The following SAMD9 variants were observed in gnomAD, a reference collection of about 807,000 sequenced individuals.
SAMD9 encodes sterile alpha motif domain containing 9.
A neutral mutation model predicts 1.5 loss-of-function variants in SAMD9; 3 were observed. The ratio of observed to expected loss-of-function variants is 2.05; its 90% CI spans 0.93 to 5.29. The LOEUF is 5.29. SAMD9 is among the 30% of genes most tolerant of loss of function. SAMD9 has a pLI of 0.02. For missense variants in SAMD9, 1,597 were observed against 1,820.8 expected, an observed-to-expected ratio of 0.88 and a Z score of 2.24; for synonymous variants, 635 against 631.9, an observed-to-expected ratio of 1.00 and a Z score of -0.07.
intron 2 of SAMD9, among the ~76,000 whole-genome samples, chr7:93,106,902 C>T (rs1020407051): frequency 1.3e-5 from 2 of 152,202 alleles, no homozygotes; most frequent in Non-Finnish European, 2.9e-5. Context: ...ATTGTACAAT[C>T]AGTGGAGAAT....
chr7:93,109,835 T>A (rs1165969060), intron 2 of SAMD9, among the ~76,000 whole-genome samples: 2 of 152,204 alleles, frequency 1.3e-5, no homozygotes, highest in Non-Finnish European at 2.9e-5. Flanking sequence ...GTTTGATTTG[T>A]GTACCTGAAA....
rs756139038 is a variant in SAMD9, at chr7:93,105,890, G to GTT, written c.206_207dup (p.Leu70AsnfsTer60). 6.2e-7 allele frequency: 1 copy of GTT among 1,614,078 alleles called. No homozygotes were observed. The highest frequency in any genetic ancestry group is 8.5e-7 in the Non-Finnish European group (1 of 1,179,998). On this transcript the variant is annotated frameshift_variant, in exon 3 of 3. Coordinates refer to ENST00000379958, the MANE Select transcript of SAMD9 (RefSeq NM_017654.4). LOFTEE classifies it low-confidence loss of function (END_TRUNC). ...GCTGTTTTCCGCAATTCTTTGAATAGTTCTTCTATTTGAATAGCTGGTCCA... is the reference window on the plus strand; with the variant it reads ...GCTGTTTTCCGCAATTCTTTGAATAGTTTTCTTCTATTTGAATAGCTGGTCCA...
At chr7:93,115,606 A>G (rs993003132) in intron 1 of SAMD9, among the ~76,000 whole-genome samples, 1 of 152,216 alleles carries the variant, frequency 6.6e-6, no homozygotes, top group Non-Finnish European at 1.5e-5. Flanking sequence ...AGATAAGTAC[A>G]TATTAAAATT....
intron 2 of SAMD9, among the ~76,000 whole-genome samples, chr7:93,108,662 C>G (rs1278439059): frequency 6.6e-6 from 1 of 152,220 alleles, no homozygotes; most frequent in African/African-American, 2.4e-5. Context: ...TATTCTGCGC[C>G]TGGCTCAGAG....
At chr7:93,113,241 G>T (rs1791775799) in intron 2 of SAMD9, among the ~76,000 whole-genome samples, 1 of 152,186 alleles carries the variant, frequency 6.6e-6, no homozygotes, top group Non-Finnish European at 1.5e-5. Context: ...TGGGAAAACT[G>T]GCTAGCCATA....
Position 93,103,447 on chromosome 7 carries a change from G to T in SAMD9, c.2651C>A (p.Ser884Tyr). 1 of 1,612,938 alleles carries T rather than the reference G, an allele frequency of 6.2e-7. No individual in the cohort carries two copies. The highest frequency in any genetic ancestry group is 8.5e-7 in the Non-Finnish European group (1 of 1,179,164). ...EQHKNFEDFY[S>Y]FMIMKTNFNK... is the part of the protein sequence containing the mutation. ...AAAATTGGTTTTCATGATCATAAAG[G>T]AATAAAAATCCTCAAAGTTTTTATG... Residue 884 changes from serine to tyrosine, a missense_variant, in exon 3 of 3, where the codon TCC (serine) becomes TAC (tyrosine). Around this residue, in one of 6 missense-constraint regions of SAMD9, gnomAD observed 682 missense variants for 810.0 expected, o/e 0.84. Coordinates refer to ENST00000379958, the MANE Select transcript of SAMD9 (RefSeq NM_017654.4).
rs1434170977 is a variant in SAMD9, at chr7:93,102,781, G to T, written c.3317C>A (p.Ala1106Glu). ...KKDFGNALNW[A>E]KQAKIIEPDN... ...AGGTTCTATGATTTTTGCTTGTTTT[G>T]CCCAGTTTAGAGCATTGCCAAAGTC... The change falls in exon 3 of 3, where the codon GCA becomes GAA. Residue 1106 changes from alanine (A) to glutamate (E), a missense_variant. Ala to Glu is a moderately radical substitution (Grantham distance 107, BLOSUM62 -1). Coordinates refer to ENST00000379958, the MANE Select transcript of SAMD9 (RefSeq NM_017654.4). 1 of 1,613,638 alleles carries T rather than the reference G, an allele frequency of 6.2e-7. No individual in the cohort carries two copies. The highest frequency in any genetic ancestry group is 2.2e-5 in the East Asian group (1 of 44,872).
Position 93,102,667 on chromosome 7 carries a change from A to T in SAMD9, c.3431T>A (p.Ile1144Asn). The change falls in exon 3 of 3, where the codon ATT becomes AAT. Residue 1144 changes from isoleucine to asparagine, a missense_variant. Ile to Asn is a moderately radical substitution (Grantham distance 149). Transcript: ENST00000379958. ...AAGAGCAATTAGATCATCAACTGAAATGTTCCCGTTTCCTCCGTTTTCCTC... is the reference window on the plus strand; with the variant it reads ...AAGAGCAATTAGATCATCAACTGAATTGTTCCCGTTTCCTCCGTTTTCCTC... ...WIEENGGNGN[I>N]SVDDLIALLD... 1 of 1,613,924 alleles carries T rather than the reference A, an allele frequency of 6.2e-7. No homozygotes were observed. The highest frequency in any genetic ancestry group is 1.3e-5 in the African/African-American group (1 of 75,042).
rs775712957 is a variant in SAMD9 at position 93,106,024 on chromosome 7, C to T, written c.74G>A (p.Ser25Asn). 6.3e-7 allele frequency: 1 copy of T among 1,590,830 alleles called. No individual in the cohort carries two copies. Residue 25 changes from serine (S) to asparagine (N), a missense_variant, in exon 3 of 3, where the codon AGT becomes AAT. Coordinates refer to ENST00000379958, the MANE Select transcript of SAMD9 (RefSeq NM_017654.4). ...CCTGTGTTTTTGGTCAATCTTATGA[C>T]TTTCTAACCACTGATTTACATCCTC... The part of the protein sequence containing the change: ...TKEDVNQWLE[S>N]HKIDQKHREI...
rs138505662 is a variant in SAMD9, at chr7:93,116,774, T to G, written c.-110+1089A>C. On this transcript the variant is annotated intron_variant, in intron 1 of 2. Transcript: ENST00000379958. ...GAAATGAGGGAGTAAAATTAGTACCTAAAATTACTGGTTTTGATTCCGTAT... is the reference window on the plus strand; with the variant it reads ...GAAATGAGGGAGTAAAATTAGTACCGAAAATTACTGGTTTTGATTCCGTAT... Among the ~76,000 whole-genome samples, 650 of 152,346 alleles carry G rather than the reference T, an allele frequency of 4.3e-3. 3 individuals are homozygous for G. The highest frequency in any genetic ancestry group is 0.015 in the African/African-American group (628 of 41,576).
In SAMD9 at chr7:93,102,088, A is replaced by G. The variant is rs779219130; in HGVS notation, c.4010T>C (p.Val1337Ala). Reference protein sequence around the residue: ...LQVERCRRNLVALKADKFSGL... With the variant: ...LQVERCRRNLAALKADKFSGL... ...AGAAAACTTGTCTGCTTTTAAAGCT[A>G]CTAGGTTTCTCCTGCATCTCTCTAC... The change falls in exon 3 of 3, where the codon GTA becomes GCA. Residue 1337 changes from valine to alanine, a missense_variant. Val to Ala is a moderately conservative substitution (Grantham distance 64). Coordinates refer to ENST00000379958, the MANE Select transcript of SAMD9 (RefSeq NM_017654.4). 5.6e-6 allele frequency: 9 copies of G among 1,613,308 alleles called. No homozygotes were observed. The South Asian group carries it at 7.7e-5, about 14-fold the overall frequency.
Position 93,102,243 on chromosome 7 carries a change from C to T in SAMD9, c.3855G>A (p.Lys1285=). 6.2e-7 allele frequency: 1 copy of T among 1,613,572 alleles called. No homozygotes were observed. Among genetic ancestry groups the T allele is most frequent in the Non-Finnish European group, 8.5e-7 (1 of 1,179,678 alleles). The change falls in exon 3 of 3, where the codon AAG becomes AAA. Residue 1285 remains lysine (K), a synonymous_variant. Transcript: ENST00000379958. Reference sequence around the variant, plus strand: ...TCCGAGTTTTGGCCTCTTCATTTTGCTTAATATTGTTCCTGGGTTTTAGCA... The same window carrying T: ...TCCGAGTTTTGGCCTCTTCATTTTGTTTAATATTGTTCCTGGGTTTTAGCA... ...FVLLKPRNNI[K]QNEEAKTRRK... is the part of the protein sequence containing the mutation.
chr7:93,109,071 C>T (rs527349591), intron 2 of SAMD9, among the ~76,000 whole-genome samples: 6 of 152,288 alleles, frequency 3.9e-5, no homozygotes, highest in African/African-American at 1.2e-4. Flanking sequence ...ACCGACACCT[C>T]ATACAGCCAG....
In SAMD9 at chr7:93,103,865, T is replaced by C. The variant is rs1562775062; in HGVS notation, c.2233A>G (p.Thr745Ala). The C allele has an allele frequency of 4.3e-6, 7 of 1,614,020 alleles. No individual in the cohort carries two copies. The highest frequency in any genetic ancestry group is 5.9e-6 in the Non-Finnish European group (7 of 1,179,886). The change falls in exon 3 of 3, where the codon ACC (threonine) becomes GCC (alanine). Residue 745 changes from threonine (T) to alanine (A), a missense_variant. Transcript: ENST00000379958. ...TCCCAGAGAATGTGCATAGCCAAGG[T>C]AGTTCCCCCACAGCCTGGATGATGA... The part of the protein sequence containing the change: ...LYHHPGCGGT[T>A]LAMHILWELR...
intron 2 of SAMD9, among the ~76,000 whole-genome samples, chr7:93,112,760 C>T (rs1166196991): frequency 6.6e-6 from 1 of 152,110 alleles, no homozygotes; most frequent in Non-Finnish European, 1.5e-5. Context: ...TGTGAAAGAC[C>T]TCTTCAAGGA....
rs760814702 is a variant in SAMD9, at chr7:93,103,551, G to T, written c.2547C>A (p.Asp849Glu). 1.2e-6 allele frequency: 2 copies of T among 1,613,464 alleles called. No homozygotes were observed. The highest frequency in any genetic ancestry group is 1.6e-4 in the Middle Eastern group (1 of 6,062). Reference sequence around the variant, plus strand: ...AGAGTTGCTGTATTACGGCAATACTGTCTGGGATCCTTGCACTTTTTTCAG... The same window carrying T: ...AGAGTTGCTGTATTACGGCAATACTTTCTGGGATCCTTGCACTTTTTTCAG... ...QNPEKSARIP[D>E]SIAVIQQLSP... The change falls in exon 3 of 3, where the codon GAC becomes GAA. Residue 849 changes from aspartate to glutamate, a missense_variant. This residue lies in a region of SAMD9 where 55 missense variants were observed against 58.6 expected (regional missense o/e 0.94). Coordinates refer to ENST00000379958, the MANE Select transcript of SAMD9 (RefSeq NM_017654.4).
rs1202526326 is a variant in SAMD9 at position 93,101,979 on chromosome 7, T to C, written c.4119A>G (p.Leu1373=). 1.2e-6 allele frequency: 2 copies of C among 1,613,818 alleles called. No individual in the cohort carries two copies. Among genetic ancestry groups the C allele is most frequent in the East Asian group, 2.2e-5 (1 of 44,862 alleles). The change falls in exon 3 of 3, where the codon TTA becomes TTG. Residue 1373 remains leucine (L), a synonymous_variant. Coordinates refer to ENST00000379958, the MANE Select transcript of SAMD9 (RefSeq NM_017654.4). ...KCIVNEYTFL[L]EQCTVKIQSK... ...ACTGGATTTTGACAGTGCATTGTTC[T>C]AAGAGAAAAGTATATTCGTTCACTA...
At position 93,101,896 on chromosome 7, in the gene SAMD9, G is replaced by A. The variant is rs1156660931; in HGVS notation, c.4202C>T (p.Thr1401Ile). 6.2e-7 allele frequency: 1 copy of A among 1,613,822 alleles called. No individual in the cohort carries two copies. Residue 1401 changes from threonine (T) to isoleucine (I), a missense_variant, in exon 3 of 3, where the codon ACC (threonine) becomes ATC (isoleucine). By Grantham distance (89) the Thr-to-Ile change is moderately conservative (BLOSUM62 -1). Coordinates refer to ENST00000379958, the MANE Select transcript of SAMD9 (RefSeq NM_017654.4). ...TTCAACTGGCTTTACTAATCTGGAG[G>A]TAGGTTGGATACAGGAGAGAATAAT... ...ANIILSCIQP[T>I]SRLVKPVEKL...
chr7:93,101,259 A>G lies in SAMD9; in HGVS notation c.*69T>C. On this transcript the variant is annotated 3_prime_UTR_variant, in exon 3 of 3. Transcript: ENST00000379958. ...ATCTATAACCTTGCCGGTTTAAAGC[A>G]TAGATCTTGAGTCCAAAAAAATTAA... 2.4e-6 allele frequency: 3 copies of G among 1,258,400 alleles called. No homozygotes were observed. The highest frequency in any genetic ancestry group is 1.7e-5 in the Admixed American group (1 of 59,578). 78.0% of individuals were successfully genotyped at this position (1,258,400 alleles called of 1,614,324 possible).
Sources: gnomAD v4.1 joint callset for allele counts (sites outside exome capture counted in the v4.1 genomes callset) on GRCh38, gnomAD v4.1.1 for gene constraint, gnomAD v4.1.1 regional missense constraint, MANE v1.5 for transcripts, NCBI Gene and HGNC (gene_info 2026-07-23, HGNC 2026-07-21) for gene names.